The following PRX variants were observed in gnomAD, a reference collection of about 807,000 sequenced individuals.
PRX encodes periaxin.
Under a neutral mutation model 29.6 loss-of-function variants are expected in PRX, and 24 were observed. The ratio of observed to expected loss-of-function variants is 0.81; its 90% CI spans 0.59 to 1.14. The LOEUF is 1.14. PRX is among the 50% of genes most tolerant of loss of function. The pLI, the probability that PRX is intolerant of heterozygous loss-of-function variation, is 0.00. For synonymous variants in PRX, 772 were observed against 831.7 expected, an observed-to-expected ratio of 0.93 and a Z score of 1.24; for missense variants, 1,838 against 1,926.4, an observed-to-expected ratio of 0.95 and a Z score of 0.86.
intron 1 of PRX, among the ~76,000 whole-genome samples, chr19:40,412,761 A>G: frequency 6.6e-6 from 1 of 152,104 alleles, no homozygotes; most frequent in Admixed American, 6.5e-5. Flanking sequence ...TGTCACTGAG[A>G]CTGGAGTGCA....
Position 40,398,758 on chromosome 19 carries a change from T to C in PRX, c.243A>G (p.Leu81=). Residue 81 remains leucine, a synonymous_variant, in exon 6 of 7, where the codon CTA becomes CTG. Transcript: ENST00000324001. This position sits in a 1 kb window ranked among gnomAD's most constrained non-coding sequence, Gnocchi z 6.3. Reference sequence around the variant, plus strand: ...AAGGCTCGGCGCATTGCAGCAGGCGTAGTGCGTCCTCGTACTTGAAGTTCT... The same window carrying C: ...AAGGCTCGGCGCATTGCAGCAGGCGCAGTGCGTCCTCGTACTTGAAGTTCT... ...FFENFKYEDA[L]RLLQCAEPYK... The C allele has an allele frequency of 6.2e-7, 1 of 1,614,028 alleles. No homozygotes were observed. Among genetic ancestry groups the C allele is most frequent in the Non-Finnish European group, 8.5e-7 (1 of 1,179,954 alleles).
rs1403624335 is a variant in PRX, at chr19:40,395,038, C to T, written c.3314G>A (p.Gly1105Asp). The change falls in exon 7 of 7, where the codon GGC becomes GAC. Residue 1105 changes from glycine (G) to aspartate (D), a missense_variant. Gly to Asp is a moderately conservative substitution (Grantham distance 94). This residue lies in a region of PRX where 1,143 missense variants were observed against 1,193.0 expected (regional missense o/e 0.96). Coordinates refer to ENST00000324001, the MANE Select transcript of PRX (RefSeq NM_181882.3). ...CTCTGCCCTCCCTTCCTCCTGGGCGCCCAGCGTGACCAGCTCCACCTCGGG... is the reference window on the plus strand; with the variant it reads ...CTCTGCCCTCCCTTCCTCCTGGGCGTCCAGCGTGACCAGCTCCACCTCGGG... ...KIPEVELVTL[G>D]AQEEGRAEGA... 1 of 1,611,332 alleles carries T rather than the reference C, an allele frequency of 6.2e-7. No individual in the cohort carries two copies. The highest frequency in any genetic ancestry group is 1.7e-5 in the Admixed American group (1 of 60,024).
rs2145726178 is a variant in PRX at position 40,394,814 on chromosome 19, T to C, written c.3538A>G (p.Thr1180Ala). Residue 1180 changes from threonine to alanine, a missense_variant, in exon 7 of 7, where the codon ACA (threonine) becomes GCA (alanine). By Grantham distance (58) the Thr-to-Ala change is moderately conservative. Around this residue, in one of 3 missense-constraint regions of PRX, gnomAD observed 1,143 missense variants for 1,193.0 expected, o/e 0.96. Transcript: ENST00000324001. The surrounding 1 kb of genome is among the most constrained non-coding windows in gnomAD (Gnocchi z 5.8). ...AQSTVPSAEG[T>A]AGYRVQVPQV... ...GGCACCTGAACCCTGTAGCCTGCTG[T>C]GCCCTCTGCTGAAGGGACTGTACTC... 1 of 1,613,472 alleles carries C rather than the reference T, an allele frequency of 6.2e-7. No homozygotes were observed. The highest frequency in any genetic ancestry group is 8.5e-7 in the Non-Finnish European group (1 of 1,180,008).
In PRX at chr19:40,412,811, G is replaced by A. The variant is rs1568719472; in HGVS notation, c.-243+527C>T. Among the ~76,000 whole-genome samples, 6 of 152,210 alleles carry A rather than the reference G, an allele frequency of 3.9e-5. 1 individual carries two copies. In the South Asian group the frequency reaches 1.2e-3, roughly 32 times the overall value. ...GCTCACTGCAGCCCCAACCTCCTGG[G>A]CCCAACCCAATCTCCCATCTCAGCC... On this transcript the variant is annotated intron_variant, in intron 1 of 6. Transcript: ENST00000324001.
chr19:40,402,511 C>T (rs1179430903), intron 5 of PRX, among the ~76,000 whole-genome samples: 4 of 151,834 alleles, frequency 2.6e-5, no homozygotes, highest in Non-Finnish European at 1.5e-5. Context: ...GTGGCTCACA[C>T]CTGTAATCCC....
At position 40,403,690 on chromosome 19, in the gene PRX, C is replaced by T. The variant is rs1385058064; in HGVS notation, c.184+16G>A. On this transcript the variant is annotated intron_variant, in intron 5 of 6. Transcript: ENST00000324001. ...CCCCGCAGTTCGACCCCGCCCCACACCCCGGGCCCGCCCACCTTCCTGCAG... is the reference window on the plus strand; with the variant it reads ...CCCCGCAGTTCGACCCCGCCCCACATCCCGGGCCCGCCCACCTTCCTGCAG... 2 of 1,541,018 alleles carry T rather than the reference C, an allele frequency of 1.3e-6. No individual in the cohort carries two copies. The highest frequency in any genetic ancestry group is 1.9e-5 in the Admixed American group (1 of 51,576).
intron 1 of PRX, among the ~76,000 whole-genome samples, chr19:40,410,340 C>A (rs1056566534): frequency 1.3e-5 from 2 of 152,222 alleles, no homozygotes; most frequent in Admixed American, 6.5e-5. Flanking sequence ...CTGCTGTGCT[C>A]AGTTGCATTC....
chr19:40,402,589 G>A (rs928946491), intron 5 of PRX, among the ~76,000 whole-genome samples: 4 of 150,514 alleles, frequency 2.7e-5, no homozygotes, highest in African/African-American at 4.9e-5. Context: ...GGCTAACACG[G>A]TGAAACCTCG....
Position 40,403,637 on chromosome 19 carries a change from T to G in PRX, c.184+69A>C. 2.7e-6 allele frequency: 4 copies of G among 1,485,530 alleles called. No homozygotes were observed. In the South Asian group the frequency reaches 5.2e-5, roughly 19 times the overall value. The allele number at this position is 1,485,530 out of a possible 1,614,324, so 92.0% of individuals were successfully genotyped here. Reference sequence around the variant, plus strand: ...CCCCCGGTCAGTTTCAGCCTCTCTTTGGACCCAAGGCAGATTCCTAACCCC... The same window carrying G: ...CCCCCGGTCAGTTTCAGCCTCTCTTGGGACCCAAGGCAGATTCCTAACCCC... On this transcript the variant is annotated intron_variant, in intron 5 of 6. Coordinates refer to ENST00000324001, the MANE Select transcript of PRX (RefSeq NM_181882.3).
rs1275026564 is a variant in PRX, at chr19:40,397,012, G to T, written c.1340C>A (p.Ala447Asp). ...PKGPEVKLPK[A>D]PEVKLPKVPE... ...CACTTTTGGAAGCTTGACCTCAGGA[G>T]CCTTGGGGAGCTTCACTTCAGGTCC... is the stretch of plus-strand genomic sequence containing the variant. Residue 447 changes from alanine to aspartate, a missense_variant, in exon 7 of 7, where the codon GCT (alanine) becomes GAT (aspartate). Physicochemically the swap from Ala to Asp is moderately radical, Grantham distance 126. Coordinates refer to ENST00000324001, the MANE Select transcript of PRX (RefSeq NM_181882.3). The T allele has an allele frequency of 6.2e-7, 1 of 1,614,022 alleles. No individual in the cohort carries two copies. Among genetic ancestry groups the T allele is most frequent in the Non-Finnish European group, 8.5e-7 (1 of 1,180,048 alleles).
upstream of PRX, among the ~76,000 whole-genome samples, chr19:40,414,329 GCC>G (rs1053931158): frequency 1.3e-5 from 2 of 152,112 alleles, no homozygotes; most frequent in African/African-American, 2.4e-5. Flanking sequence ...TCACCATGTT[GCC>G]CAGGCTGGTC....
Position 40,394,862 on chromosome 19 carries a change from C to G in PRX, c.3490G>C (p.Gly1164Arg), listed in dbSNP as rs1381973432. 2 of 1,612,226 alleles carry G rather than the reference C, an allele frequency of 1.2e-6. No individual in the cohort carries two copies. The highest frequency in any genetic ancestry group is 1.7e-5 in the Admixed American group (1 of 60,022). ...QVELTGFGEA[G>R]TPGQQAQSTV... ...CTCTGAGCCTGCTGCCCTGGGGTAC[C>G]TGCCTCCCCAAAGCCGGTCAGCTCC... Residue 1164 changes from glycine to arginine, a missense_variant, in exon 7 of 7, where the codon GGT (glycine) becomes CGT (arginine). Gly to Arg is a moderately radical substitution (Grantham distance 125). Transcript: ENST00000324001. This position sits in a 1 kb window ranked among gnomAD's most constrained non-coding sequence, Gnocchi z 5.8.
At chr19:40,412,520 G>A (rs2079563182) in intron 1 of PRX, among the ~76,000 whole-genome samples, 1 of 152,164 alleles carries the variant, frequency 6.6e-6, no homozygotes, top group South Asian at 2.1e-4. Flanking sequence ...TATGGAGGGA[G>A]GGAGCTGTGC....
At position 40,405,626 on chromosome 19, in the gene PRX, C is replaced by CT. The variant is rs1167458782; in HGVS notation, c.28-1765dup. ...GCTCAGCATTTTATGTGCAGAATCT[C>CT]TTTTTTTTTTTTTTTTTTTTTTTTT... On this transcript the variant is annotated intron_variant, in intron 4 of 6. Transcript: ENST00000324001. Among the ~76,000 whole-genome samples, 274 of 74,430 alleles carry CT rather than the reference C, an allele frequency of 3.7e-3. 14 individuals are homozygous for CT. Among genetic ancestry groups the CT allele is most frequent in the African/African-American group, 6.9e-3 (127 of 18,368 alleles). 48.8% of individuals were successfully genotyped at this position (74,430 alleles called of 152,430 possible).
Position 40,398,599 on chromosome 19 carries a change from G to A in PRX, c.381+21C>T, listed in dbSNP as rs146965324. The A allele has an allele frequency of 3.3e-5, 54 of 1,612,470 alleles. No homozygotes were observed. The African/African-American group carries it at 4.8e-4, about 14-fold the overall frequency. On this transcript the variant is annotated intron_variant, in intron 6 of 6. Coordinates refer to ENST00000324001, the MANE Select transcript of PRX (RefSeq NM_181882.3). The surrounding 1 kb of genome is among the most constrained non-coding windows in gnomAD (Gnocchi z 6.3). ...GATCGCTGGGGCAGTCCAGGGCCGG[G>A]GCCGGGCTAAGCACGCGTACCAGCT...
At position 40,394,655 on chromosome 19, in the gene PRX, C is replaced by T. The variant is rs752863291; in HGVS notation, c.3697G>A (p.Ala1233Thr). ...CCCTCGCCTGTGGCCGCCTCGCCCG[C>T]CTGTGCCTCTCGGCTTAGCCCCACG... ...LDVGLSREAQAGEAATGEGGL... is the reference protein window; with the variant it reads ...LDVGLSREAQTGEAATGEGGL... The change falls in exon 7 of 7, where the codon GCG (alanine) becomes ACG (threonine). Residue 1233 changes from alanine to threonine, a missense_variant. Ala to Thr is a moderately conservative substitution (Grantham distance 58). This residue lies in a region of PRX where 1,143 missense variants were observed against 1,193.0 expected (regional missense o/e 0.96). Transcript: ENST00000324001. This position sits in a 1 kb window ranked among gnomAD's most constrained non-coding sequence, Gnocchi z 5.8. The T allele has an allele frequency of 2.5e-6, 4 of 1,608,264 alleles. No homozygotes were observed. Among genetic ancestry groups the T allele is most frequent in the Non-Finnish European group, 1.7e-6 (2 of 1,179,886 alleles).
In PRX at chr19:40,408,202, G is replaced by A. The variant is rs1039467444; in HGVS notation, c.-144C>T. 23 of 580,640 alleles carry A rather than the reference G, an allele frequency of 4.0e-5. No homozygotes were observed. Among genetic ancestry groups the A allele is most frequent in the South Asian group, 3.2e-4 (16 of 49,784 alleles). 36.0% of individuals were successfully genotyped at this position (580,640 alleles called of 1,614,324 possible). A position where few individuals can be genotyped will look rare whatever the true frequency, so the allele number is the denominator to read the frequency against. Reference sequence around the variant, plus strand: ...CTTCCTCCTAACAGGAGCCCAGCCCGAGGTGCCGCACAGCTGTCTGCAGGG... The same window carrying A: ...CTTCCTCCTAACAGGAGCCCAGCCCAAGGTGCCGCACAGCTGTCTGCAGGG... On this transcript the variant is annotated 5_prime_UTR_variant, in exon 3 of 7. Coordinates refer to ENST00000324001, the MANE Select transcript of PRX (RefSeq NM_181882.3).
At chr19:40,411,289 T>G (rs922752594) in intron 1 of PRX, among the ~76,000 whole-genome samples, 1 of 152,128 alleles carries the variant, frequency 6.6e-6, no homozygotes, top group African/African-American at 2.4e-5. Context: ...CTTTACATAC[T>G]TGACCTTGTG....
In PRX at chr19:40,398,024, G is replaced by A. The variant is rs1188211046; in HGVS notation, c.382-54C>T. 13 of 1,561,256 alleles carry A rather than the reference G, an allele frequency of 8.3e-6. No homozygotes were observed. Among genetic ancestry groups the A allele is most frequent in the Middle Eastern group, 1.7e-4 (1 of 5,926 alleles). The stretch of plus-strand genomic sequence containing the variant: ...GGTGGGACAGTGGGAGGCTGGGAGT[G>A]GACAGGAAGAGCCCCACCTGGTATT... On this transcript the variant is annotated intron_variant, in intron 6 of 6. Coordinates refer to ENST00000324001, the MANE Select transcript of PRX (RefSeq NM_181882.3). This position sits in a 1 kb window ranked among gnomAD's most constrained non-coding sequence, Gnocchi z 6.3.
Sources: allele counts gnomAD v4.1 joint callset (sites outside exome capture counted in the v4.1 genomes callset), GRCh38; gene constraint gnomAD v4.1.1; regional missense constraint gnomAD v4.1.1; non-coding constraint Gnocchi (gnomAD v3.1); transcripts MANE v1.5; gene names NCBI Gene and HGNC (gene_info 2026-07-23, HGNC 2026-07-21).